SDK1: variants seen among roughly 807,000 people sequenced by gnomAD.
The protein encoded by SDK1 is protein sidekick-1.
A neutral mutation model predicts 245.5 loss-of-function variants in SDK1; 157 were observed. That is an observed-to-expected ratio of 0.64 (90% CI 0.56 to 0.73). The LOEUF (loss-of-function observed/expected upper bound fraction) is 0.73. Among genes scored for constraint, SDK1 ranks in the 30% least tolerant of loss-of-function variants. The probability of loss-of-function intolerance (pLI) is 0.00; values close to 1 mark genes in which losing one functional copy is unlikely to be tolerated. For synonymous variants in SDK1, 1,647 were observed against 1,278.5 expected (o/e 1.29, Z -6.15); for missense variants, 3,583 against 3,002.3 (o/e 1.19, Z -4.52).
At chr7:4,083,746 C>T (rs1302195182) in intron 22 of SDK1, among the ~76,000 whole-genome samples, 8 of 208 alleles carry the variant, frequency 0.038, 2 homozygotes, top group South Asian at 0.17. Flanking sequence ...CCCTCCCTTC[C>T]TTTACTTCCT....
At chr7:3,398,122 G>C (rs1778774142) in intron 1 of SDK1, among the ~76,000 whole-genome samples, 1 of 152,038 alleles carries the variant, frequency 6.6e-6, no homozygotes, top group African/African-American at 2.4e-5. Context: ...GTAACTGTAG[G>C]TTTTCTGTAG....
At chr7:3,500,185 GTT>G (rs1209986104) in intron 1 of SDK1, among the ~76,000 whole-genome samples, 9 of 152,192 alleles carry the variant, frequency 5.9e-5, no homozygotes, top group Middle Eastern at 3.4e-3. Context: ...TATATCTGTT[GTT>G]TAGCTCTGAT....
At chr7:3,991,010 T>TGCAGAGC (rs1784263762) in intron 14 of SDK1, among the ~76,000 whole-genome samples, 1 of 152,204 alleles carries the variant, frequency 6.6e-6, no homozygotes, top group African/African-American at 2.4e-5. Flanking sequence ...GGGTGCTGGG[T>TGCAGAGC]GCAGAGCTGA....
At chr7:3,359,693 A>G (rs1013398246) in intron 1 of SDK1, among the ~76,000 whole-genome samples, 1 of 152,118 alleles carries the variant, frequency 6.6e-6, no homozygotes, top group Non-Finnish European at 1.5e-5. Flanking sequence ...CGCTGTGAGG[A>G]TGCTCGAGCT....
At chr7:3,505,927 A>C (rs1272216353) in intron 1 of SDK1, among the ~76,000 whole-genome samples, 1 of 152,086 alleles carries the variant, frequency 6.6e-6, no homozygotes, top group African/African-American at 2.4e-5. Context: ...TTGTGCAATT[A>C]CTGTTATGCA....
chr7:3,936,072 C>G (rs542689556), intron 5 of SDK1, among the ~76,000 whole-genome samples: 2 of 152,324 alleles, frequency 1.3e-5, no homozygotes, highest in East Asian at 3.9e-4. Context: ...AAAGGAAGGA[C>G]ATTCTGACAC....
chr7:3,805,191 A>G (rs182120497), intron 4 of SDK1, among the ~76,000 whole-genome samples: 13 of 152,338 alleles, frequency 8.5e-5, no homozygotes, highest in African/African-American at 2.9e-4. Context: ...CTACTAAAAA[A>G]TACAGTTGTT....
intron 35 of SDK1, among the ~76,000 whole-genome samples, chr7:4,189,164 G>A (rs538537341): frequency 5.9e-5 from 9 of 152,098 alleles, no homozygotes; most frequent in Non-Finnish European, 1.2e-4. Context: ...GCTTGCTCCC[G>A]GGAGCTGGCT....
intron 38 of SDK1, among the ~76,000 whole-genome samples, chr7:4,215,460 G>C (rs1784744276): frequency 2.0e-5 from 3 of 152,236 alleles, no homozygotes; most frequent in Admixed American, 1.3e-4. Context: ...AGGCACCCTG[G>C]TCCTCCTGCT....
chr7:3,886,102 C>T (rs976179941), intron 5 of SDK1, among the ~76,000 whole-genome samples: 1 of 152,164 alleles, frequency 6.6e-6, no homozygotes, highest in African/African-American at 2.4e-5. Flanking sequence ...GCAGCTCAGC[C>T]CCTCAGGAAC....
rs186277912 is a variant in SDK1, at chr7:3,556,750, C to T, written c.299-62330C>T. Among the ~76,000 whole-genome samples, 164 of 152,112 alleles carry T rather than the reference C, an allele frequency of 1.1e-3. 2 individuals are homozygous for T. The East Asian group carries it at 0.022, about 20-fold the overall frequency. On this transcript the variant is annotated intron_variant, in intron 1 of 44. Transcript: ENST00000404826. ...GGCAGGAGGCAGTGAGCCAAGATCA[C>T]GCCACTGCACTCCAGCCTGGGCAGC... is the stretch of plus-strand genomic sequence containing the variant.
At chr7:3,398,345 C>A (rs1286237406) in intron 1 of SDK1, among the ~76,000 whole-genome samples, 11 of 152,078 alleles carry the variant, frequency 7.2e-5, no homozygotes, top group Non-Finnish European at 1.3e-4. Flanking sequence ...ATTCTATAAT[C>A]TTGTGATAAA....
chr7:3,602,041 A>C (rs62437875), intron 1 of SDK1, among the ~76,000 whole-genome samples: 1 of 151,272 alleles, frequency 6.6e-6, no homozygotes, highest in East Asian at 1.9e-4. Flanking sequence ...TATTCCATGG[A>C]GTATATGTGC....
chr7:3,706,132 A>G (rs1240502981), intron 4 of SDK1, among the ~76,000 whole-genome samples: 1 of 152,128 alleles, frequency 6.6e-6, no homozygotes, highest in Non-Finnish European at 1.5e-5. Flanking sequence ...GAGCATGGTT[A>G]TTATATTTTG....
At position 4,123,800 on chromosome 7, in the gene SDK1, T is replaced by A. The variant is rs1182779257; in HGVS notation, c.3824-3581T>A. On this transcript the variant is annotated intron_variant, in intron 25 of 44. Transcript: ENST00000404826. ...GGGGTTTTCTATTTTGTGGACACAT[T>A]CACTGACCTACACCCAGCAGCCGAT... Among the ~76,000 whole-genome samples, 3 of 152,126 alleles carry A rather than the reference T, an allele frequency of 2.0e-5. No individual in the cohort carries two copies. The East Asian group carries it at 5.8e-4, about 29-fold the overall frequency.
intron 40 of SDK1, 70 bp downstream of exon 40, chr7:4,221,434 G>A: frequency 6.7e-7 from 1 of 1,500,186 alleles, no homozygotes; most frequent in South Asian, 1.2e-5. Flanking sequence ...CTGTGTCGGG[G>A]GCTTCCATCA....
At chr7:3,918,401 C>T (rs758540479) in intron 5 of SDK1, among the ~76,000 whole-genome samples, 14 of 152,164 alleles carry the variant, frequency 9.2e-5, no homozygotes, top group Non-Finnish European at 1.6e-4. Flanking sequence ...CGTAATAGCA[C>T]GAACCCTATT....
At chr7:3,623,904 A>T (rs1269252080) in intron 2 of SDK1, among the ~76,000 whole-genome samples, 1 of 152,202 alleles carries the variant, frequency 6.6e-6, no homozygotes, top group Non-Finnish European at 1.5e-5. Flanking sequence ...TAGAAATTTG[A>T]TGGATGTTTA....
chr7:3,615,554 A>G (rs1014752986), intron 1 of SDK1, among the ~76,000 whole-genome samples: 2 of 151,662 alleles, frequency 1.3e-5, no homozygotes, highest in African/African-American at 4.8e-5. Flanking sequence ...CGCTTAAGGG[A>G]CAGCGACTGT....
Sources: allele counts gnomAD v4.1 joint callset (sites outside exome capture counted in the v4.1 genomes callset), GRCh38; gene constraint gnomAD v4.1.1; transcripts MANE v1.5; gene names NCBI Gene and HGNC (gene_info 2026-07-23, HGNC 2026-07-21).